NEGR1: variants seen among roughly 807,000 people sequenced by gnomAD.
NEGR1 encodes IgLON family member 4.
Under a neutral mutation model 40.9 loss-of-function variants are expected in NEGR1, and 10 were observed. The observed-to-expected ratio is 0.24, with a 90% CI of 0.15 to 0.42. The LOEUF is 0.42. Ranked by LOEUF, NEGR1 falls within the 10% of genes least tolerant of loss-of-function variation. NEGR1 has a pLI of 1.00. For synonymous variants in NEGR1, 185 were observed against 166.8 expected, an observed-to-expected ratio of 1.11 and a Z score of -0.84; for missense variants, 352 against 438.9, an observed-to-expected ratio of 0.80 and a Z score of 1.77.
At chr1:72,226,309 G>A (rs1557587300) in intron 1 of NEGR1, among the ~76,000 whole-genome samples, 1 of 152,020 alleles carries the variant, frequency 6.6e-6, no homozygotes, top group Non-Finnish European at 1.5e-5. Context: ...AAGAATCAAT[G>A]CCTATATGAG....
chr1:71,492,415 C>T (rs1023879782), intron 6 of NEGR1, among the ~76,000 whole-genome samples: 1 of 152,096 alleles, frequency 6.6e-6, no homozygotes, highest in African/African-American at 2.4e-5. Flanking sequence ...AGACCTTTTC[C>T]CCATTCTCAT....
At chr1:72,035,572 CA>C (rs1217611604) in intron 1 of NEGR1, among the ~76,000 whole-genome samples, 1 of 152,036 alleles carries the variant, frequency 6.6e-6, no homozygotes. Context: ...CAGAATATGA[CA>C]TAGAAGTGAG....
chr1:71,942,752 T>G (rs2100251970), intron 1 of NEGR1, among the ~76,000 whole-genome samples: 1 of 146,958 alleles, frequency 6.8e-6, no homozygotes, highest in Non-Finnish European at 1.5e-5. Flanking sequence ...TCCGCCCGCC[T>G]CGGCCTCCCA....
At chr1:71,854,839 T>C (rs1246926238) in intron 2 of NEGR1, among the ~76,000 whole-genome samples, 4 of 152,062 alleles carry the variant, frequency 2.6e-5, no homozygotes, top group Non-Finnish European at 5.9e-5. Context: ...TCAATTACCT[T>C]CCACCAGGTC....
intron 1 of NEGR1, among the ~76,000 whole-genome samples, chr1:72,154,175 C>T (rs537218831): frequency 4.6e-5 from 7 of 151,452 alleles, no homozygotes; most frequent in South Asian, 4.2e-4. Flanking sequence ...CATGTATACA[C>T]GCCAATAGGT....
intron 1 of NEGR1, among the ~76,000 whole-genome samples, chr1:72,263,215 T>A (rs1655519721): frequency 6.6e-6 from 1 of 151,658 alleles, no homozygotes; most frequent in African/African-American, 2.4e-5. Context: ...AATTCAACTT[T>A]GTAGAAACAA....
chr1:71,921,178 TGA>T (rs915993324), intron 2 of NEGR1, among the ~76,000 whole-genome samples: 4 of 152,192 alleles, frequency 2.6e-5, no homozygotes, highest in African/African-American at 9.6e-5. Flanking sequence ...TATTCAGGAA[TGA>T]GACATATTTT....
chr1:71,998,597 C>T (rs1471034417), intron 1 of NEGR1, among the ~76,000 whole-genome samples: 1 of 151,816 alleles, frequency 6.6e-6, no homozygotes, highest in Non-Finnish European at 1.5e-5. Context: ...CCTTCTCTTG[C>T]TACACAGATT....
At chr1:71,478,452 G>C (rs1286447302) in intron 6 of NEGR1, among the ~76,000 whole-genome samples, 5 of 151,986 alleles carry the variant, frequency 3.3e-5, no homozygotes. Flanking sequence ...GTAGTTGATA[G>C]GTTAAGACCT....
At chr1:71,479,343 C>T (rs935345875) in intron 6 of NEGR1, among the ~76,000 whole-genome samples, 1 of 151,960 alleles carries the variant, frequency 6.6e-6, no homozygotes, top group African/African-American at 2.4e-5. Flanking sequence ...CTCACTTATG[C>T]ACTACAGCAA....
At chr1:71,695,436 T>C (rs919912991) in intron 4 of NEGR1, among the ~76,000 whole-genome samples, 3 of 151,778 alleles carry the variant, frequency 2.0e-5, no homozygotes, top group Non-Finnish European at 4.4e-5. Context: ...ATAACTGTAC[T>C]TATCTACCTG....
chr1:72,095,624 C>G (rs1648667633), intron 1 of NEGR1, among the ~76,000 whole-genome samples: 1 of 152,022 alleles, frequency 6.6e-6, no homozygotes, highest in Non-Finnish European at 1.5e-5. Flanking sequence ...CTCTCCTTCC[C>G]CATGTCATCT....
intron 2 of NEGR1, among the ~76,000 whole-genome samples, chr1:71,807,803 G>A (rs985225608): frequency 1.3e-5 from 2 of 152,140 alleles, no homozygotes; most frequent in Non-Finnish European, 2.9e-5. Context: ...CTGCAACTGA[G>A]AGGGAAACAG....
intron 1 of NEGR1, among the ~76,000 whole-genome samples, chr1:72,224,013 G>C (rs75688669): frequency 0.013 from 1,976 of 152,172 alleles, 44 homozygotes; most frequent in African/African-American, 0.046. Context: ...TTCACAGTAA[G>C]AGTGGCCTTC....
At chr1:71,527,542 T>C (rs1345653158) in intron 6 of NEGR1, among the ~76,000 whole-genome samples, 1 of 151,560 alleles carries the variant, frequency 6.6e-6, no homozygotes, top group Non-Finnish European at 1.5e-5. Flanking sequence ...CTTCTTGCTA[T>C]TGTGTGATTA....
chr1:71,863,810 C>A (rs531092809), intron 2 of NEGR1, among the ~76,000 whole-genome samples: 1 of 152,030 alleles, frequency 6.6e-6, no homozygotes. Context: ...AACCACCCAA[C>A]GTGTTGATTA....
At chr1:71,727,909 T>C (rs1654724237) in intron 3 of NEGR1, among the ~76,000 whole-genome samples, 1 of 151,984 alleles carries the variant, frequency 6.6e-6, no homozygotes, top group Non-Finnish European at 1.5e-5. Flanking sequence ...GCCTTGTAAG[T>C]ATGAAAAGTT....
chr1:72,125,452 C>T (rs2630407), intron 1 of NEGR1, among the ~76,000 whole-genome samples: 3 of 145,292 alleles, frequency 2.1e-5, no homozygotes, highest in Non-Finnish European at 3.1e-5. Context: ...CAATAGAAAA[C>T]GTGGCCAAAT....
intron 3 of NEGR1, among the ~76,000 whole-genome samples, chr1:71,710,502 A>C (rs1363083777): frequency 1.3e-5 from 2 of 152,228 alleles, no homozygotes; most frequent in African/African-American, 4.8e-5. Flanking sequence ...TGAATGGATA[A>C]ATAAAATGTG....
Sources: gnomAD v4.1 joint callset for allele counts (sites outside exome capture counted in the v4.1 genomes callset) on GRCh38, gnomAD v4.1.1 for gene constraint, MANE v1.5 for transcripts, NCBI Gene and HGNC (gene_info 2026-07-23, HGNC 2026-07-21) for gene names.